SH3PXD2A: variants seen among roughly 807,000 people sequenced by gnomAD.
SH3PXD2A encodes the protein SH3 and PX domain-containing protein 2A.
SH3PXD2A carries 32 observed loss-of-function variants against 115.2 expected under a neutral mutation model. That is an observed-to-expected ratio of 0.28 (90% CI 0.21 to 0.37). SH3PXD2A has a LOEUF of 0.37. Ranked by LOEUF, SH3PXD2A falls within the 10% of genes least tolerant of loss-of-function variation. The pLI is 1.00. For missense variants in SH3PXD2A, 1,328 were observed against 1,498.7 expected (o/e 0.89, Z 1.88); for synonymous variants, 610 against 629.1 (o/e 0.97, Z 0.45).
chr10:103,823,777 G>A (rs1589471658), intron 1 of SH3PXD2A, among the ~76,000 whole-genome samples: 1 of 152,210 alleles, frequency 6.6e-6, no homozygotes, highest in South Asian at 2.1e-4. Flanking sequence ...AAAGCTGAGG[G>A]AGCTTGGTGA....
At chr10:103,701,518 TCATCCATC>T (rs979640752) in intron 5 of SH3PXD2A, among the ~76,000 whole-genome samples, 1 of 129,762 alleles carries the variant, frequency 7.7e-6, no homozygotes, top group African/African-American at 2.9e-5. Context: ...CATCCATCCA[TCATCCATC>T]CATCCACCAT....
At chr10:103,644,519 A>G (rs1403534302) in intron 8 of SH3PXD2A, among the ~76,000 whole-genome samples, 1 of 149,964 alleles carries the variant, frequency 6.7e-6, no homozygotes, top group Non-Finnish European at 1.5e-5. Context: ...CCAGGAGGTC[A>G]TAGCTGCAAT....
intron 3 of SH3PXD2A, among the ~76,000 whole-genome samples, chr10:103,765,834 AG>A (rs1467391457): frequency 1.3e-5 from 2 of 152,220 alleles, no homozygotes; most frequent in African/African-American, 4.8e-5. Flanking sequence ...AAGCCAAGCA[AG>A]GAATGCAAGT....
chr10:103,649,485 G>C (rs945163151), intron 8 of SH3PXD2A, among the ~76,000 whole-genome samples: 1 of 152,200 alleles, frequency 6.6e-6, no homozygotes, highest in Non-Finnish European at 1.5e-5. Context: ...GCTATTCCTT[G>C]ACCCAATGCC....
intron 3 of SH3PXD2A, among the ~76,000 whole-genome samples, chr10:103,751,980 T>G (rs61653403): frequency 0.013 from 2,021 of 152,308 alleles, 56 homozygotes; most frequent in African/African-American, 0.046. Flanking sequence ...CTATTTATAT[T>G]TTCATTGAAT....
At chr10:103,838,145 T>C (rs2039563854) in intron 1 of SH3PXD2A, among the ~76,000 whole-genome samples, 1 of 152,162 alleles carries the variant, frequency 6.6e-6, no homozygotes, top group African/African-American at 2.4e-5. Context: ...CTCTAGAACA[T>C]GCCACAGGTT....
At chr10:103,834,161 T>C (rs909242902) in intron 1 of SH3PXD2A, among the ~76,000 whole-genome samples, 2 of 152,116 alleles carry the variant, frequency 1.3e-5, no homozygotes, top group African/African-American at 4.8e-5. Context: ...CAAGAGGAAA[T>C]GCTCTCATGG....
chr10:103,836,294 A>G (rs2039539085), intron 1 of SH3PXD2A, among the ~76,000 whole-genome samples: 1 of 152,062 alleles, frequency 6.6e-6, no homozygotes, highest in African/African-American at 2.4e-5. Context: ...ATATGCCAAC[A>G]GCTTTTATTA....
rs1298343015 is a variant in SH3PXD2A, at chr10:103,622,328, G to T, written c.802+142C>A. 4 of 635,998 alleles carry T rather than the reference G, an allele frequency of 6.3e-6. No homozygotes were observed. The Admixed American group carries it at 1.1e-4, about 17-fold the overall frequency. 39.4% of individuals were successfully genotyped at this position (635,998 alleles called of 1,614,324 possible). A position where few individuals can be genotyped will look rare whatever the true frequency, so the allele number is the denominator to read the frequency against. ...GCAGGCCCACCCCACACCAGCTGCA[G>T]TAGGTGAGAAGAAAGCCTGGCCCGT... On this transcript the variant is annotated intron_variant, in intron 10 of 14. Transcript: ENST00000369774.
chr10:103,705,200 C>T (rs1430547662), intron 5 of SH3PXD2A, among the ~76,000 whole-genome samples: 4 of 152,172 alleles, frequency 2.6e-5, no homozygotes, highest in Non-Finnish European at 5.9e-5. Flanking sequence ...ACCAAGCAAC[C>T]TCTCCTGAGC....
Position 103,654,949 on chromosome 10 carries a change from T to C in SH3PXD2A, c.604+6034A>G, listed in dbSNP as rs956266884. Among the ~76,000 whole-genome samples, 18 of 135,270 alleles carry C rather than the reference T, an allele frequency of 1.3e-4. No individual in the cohort carries two copies. In the South Asian group the frequency reaches 2.4e-3, roughly 18 times the overall value. The allele number at this position is 135,270 out of a possible 152,430, so 88.7% of individuals were successfully genotyped here. A position where few individuals can be genotyped will look rare whatever the true frequency, so the allele number is the denominator to read the frequency against. On this transcript the variant is annotated intron_variant, in intron 8 of 14. Coordinates refer to ENST00000369774, the MANE Select transcript of SH3PXD2A (RefSeq NM_001394015.1). ...AACATAATCTTGATCCTGGAGTGAA[T>C]AAAGCTGAGTGGAAGGGCCCAAGAC... is the stretch of plus-strand genomic sequence containing the variant.
intron 10 of SH3PXD2A, among the ~76,000 whole-genome samples, chr10:103,618,784 C>T (rs1205214298): frequency 6.6e-6 from 1 of 152,202 alleles, no homozygotes; most frequent in Non-Finnish European, 1.5e-5. Flanking sequence ...GACAGCCACC[C>T]CCTGGGCTCC....
At chr10:103,715,585 A>G (rs1299209771) in intron 5 of SH3PXD2A, among the ~76,000 whole-genome samples, 2 of 152,228 alleles carry the variant, frequency 1.3e-5, no homozygotes, top group Admixed American at 6.5e-5. Flanking sequence ...CATCATCCCA[A>G]TTCATTCTCC....
chr10:103,689,647 A>G (rs1035576666), intron 6 of SH3PXD2A, among the ~76,000 whole-genome samples: 3 of 152,184 alleles, frequency 2.0e-5, no homozygotes, highest in African/African-American at 7.2e-5. Flanking sequence ...CCTGGGCAAC[A>G]GGGGAGAATC....
intron 9 of SH3PXD2A, among the ~76,000 whole-genome samples, chr10:103,625,639 T>C (rs1448861449): frequency 1.3e-5 from 2 of 152,202 alleles, no homozygotes; most frequent in African/African-American, 4.8e-5. Context: ...ATGCCTGTAA[T>C]CCCAGCACTT....
chr10:103,625,519 G>A (rs1564847363), intron 9 of SH3PXD2A, among the ~76,000 whole-genome samples: 1 of 152,228 alleles, frequency 6.6e-6, no homozygotes. Context: ...TGGGGGCAAG[G>A]GCATTTCAGG....
chr10:103,632,948 T>TG (rs2133968189), intron 8 of SH3PXD2A, among the ~76,000 whole-genome samples: 1 of 151,718 alleles, frequency 6.6e-6, no homozygotes, highest in East Asian at 1.9e-4. Context: ...CACTCCAGCC[T>TG]GGCGACAGAG....
intron 2 of SH3PXD2A, among the ~76,000 whole-genome samples, chr10:103,778,122 G>T (rs540661830): frequency 1.1e-4 from 17 of 152,216 alleles, no homozygotes; most frequent in African/African-American, 3.6e-4. Flanking sequence ...GAGGTCAGGA[G>T]ATCGAGACCA....
intron 1 of SH3PXD2A, among the ~76,000 whole-genome samples, chr10:103,807,103 C>G (rs1321202980): frequency 1.3e-5 from 2 of 152,178 alleles, no homozygotes; most frequent in Non-Finnish European, 2.9e-5. Flanking sequence ...AGAAAATGGC[C>G]TTGATGCAAA....
Sources: allele counts gnomAD v4.1 joint callset (sites outside exome capture counted in the v4.1 genomes callset), GRCh38; gene constraint gnomAD v4.1.1; transcripts MANE v1.5; gene names NCBI Gene and HGNC (gene_info 2026-07-23, HGNC 2026-07-21).